MCTP1: variants seen among roughly 807,000 people sequenced by gnomAD.
MCTP1 encodes multiple C2 and transmembrane domain containing 1.
Under a neutral mutation model 120.6 loss-of-function variants are expected in MCTP1, and 69 were observed. That is an observed-to-expected ratio of 0.57 (90% CI 0.47 to 0.70). The LOEUF is 0.70. MCTP1 is among the 30% of genes least tolerant of loss of function. The pLI, the probability that MCTP1 is intolerant of heterozygous loss-of-function variation, is 0.00. For synonymous variants in MCTP1, 529 were observed against 493.1 expected, an observed-to-expected ratio of 1.07 and a Z score of -0.96; for missense variants, 1,203 against 1,248.8, an observed-to-expected ratio of 0.96 and a Z score of 0.55.
chr5:95,230,371 G>A (rs527498828), intron 1 of MCTP1, among the ~76,000 whole-genome samples: 88 of 152,204 alleles, frequency 5.8e-4, no homozygotes, highest in African/African-American at 2.0e-3. Flanking sequence ...AGTGACTTGC[G>A]TAAGGTATGT....
intron 17 of MCTP1, chr5:94,826,706 G>C (rs878869271): frequency 2.2e-6 from 1 of 454,262 alleles, no homozygotes; most frequent in Admixed American, 3.0e-5. Context: ...GTTCCAGCTG[G>C]AAAAAGAGGA....
At chr5:94,999,073 C>A (rs924496217) in intron 2 of MCTP1, among the ~76,000 whole-genome samples, 1 of 152,106 alleles carries the variant, frequency 6.6e-6, no homozygotes, top group Non-Finnish European at 1.5e-5. Context: ...GTTATAGTTG[C>A]CATAAAGTAT....
intron 1 of MCTP1, among the ~76,000 whole-genome samples, chr5:95,262,815 T>C (rs965346146): frequency 1.3e-5 from 2 of 152,208 alleles, no homozygotes; most frequent in African/African-American, 2.4e-5. Context: ...ATAAAGTTCA[T>C]TTATGTCAAA....
intron 1 of MCTP1, among the ~76,000 whole-genome samples, chr5:95,154,870 A>G (rs1444202967): frequency 6.6e-6 from 1 of 152,154 alleles, no homozygotes; most frequent in South Asian, 2.1e-4. Context: ...TCCATGATTT[A>G]TTAAGGTTAG....
rs1465969883 is a variant in MCTP1 at position 94,704,934 on chromosome 5, TTTGA to T, written c.*2558_*2561del. The T allele has an allele frequency of 3.3e-5, 5 of 151,274 alleles. No homozygotes were observed. Among genetic ancestry groups the T allele is most frequent in the African/African-American group, 4.8e-5 (2 of 41,350 alleles). 9.4% of individuals were successfully genotyped at this position (151,274 alleles called of 1,614,324 possible). The stretch of plus-strand genomic sequence containing the variant: ...GAATGAGAAGTACTATTATGTTCTT[TTTGA>T]TAAGTGGGGAAAAATTTAAAAGCAC... On this transcript the variant is annotated 3_prime_UTR_variant, in exon 23 of 23. Coordinates refer to ENST00000515393, the MANE Select transcript of MCTP1 (RefSeq NM_024717.7).
In MCTP1 at chr5:95,043,136, G is replaced by T. The variant is rs189881785; in HGVS notation, c.721-25652C>A. On this transcript the variant is annotated intron_variant, in intron 1 of 22. Coordinates refer to ENST00000515393, the MANE Select transcript of MCTP1 (RefSeq NM_024717.7). ...CAGTGAGTGAGTTTCCCATACAGCTGCCAAGAACATATTATCAGATATTTA... is the reference window on the plus strand; with the variant it reads ...CAGTGAGTGAGTTTCCCATACAGCTTCCAAGAACATATTATCAGATATTTA... Among the ~76,000 whole-genome samples, 33 of 152,172 alleles carry T rather than the reference G, an allele frequency of 2.2e-4. 1 individual carries two copies. Among genetic ancestry groups the T allele is most frequent in the Admixed American group, 2.0e-3 (30 of 15,272 alleles).
At chr5:94,727,844 A>T (rs1166319113) in intron 19 of MCTP1, among the ~76,000 whole-genome samples, 1 of 152,250 alleles carries the variant, frequency 6.6e-6, no homozygotes. Context: ...CAGGAAACCC[A>T]GAACAGGACT....
chr5:95,037,414 C>T (rs1258798132), intron 1 of MCTP1, among the ~76,000 whole-genome samples: 1 of 151,832 alleles, frequency 6.6e-6, no homozygotes, highest in Non-Finnish European at 1.5e-5. Context: ...TATGCATTGC[C>T]AAAAAGACAG....
chr5:94,988,964 C>A (rs1323273727), intron 2 of MCTP1, among the ~76,000 whole-genome samples: 1 of 152,248 alleles, frequency 6.6e-6, no homozygotes, highest in East Asian at 1.9e-4. Flanking sequence ...AAACCACCCC[C>A]ATGATTCAAC....
At chr5:94,846,205 T>C (rs1792315041) in intron 17 of MCTP1, among the ~76,000 whole-genome samples, 1 of 152,208 alleles carries the variant, frequency 6.6e-6, no homozygotes, top group Non-Finnish European at 1.5e-5. Context: ...TGCACATGTA[T>C]GCTCATTGCA....
rs1242498061 is a variant in MCTP1 at position 94,953,246 on chromosome 5, A to C, written c.954T>G (p.Asp318Glu). Residue 318 changes from aspartate to glutamate, a missense_variant, in exon 3 of 23, where the codon GAT becomes GAG. Around this residue, in one of 2 missense-constraint regions of MCTP1, gnomAD observed 740 missense variants for 871.1 expected, o/e 0.85. Transcript: ENST00000515393. Reference protein sequence around the residue: ...VWEEKACILVDHLREPLYIKV... With the variant: ...VWEEKACILVEHLREPLYIKV... ...TTATATACAATGGCTCCCTAAGATG[A>C]TCAACCAGAATACAAGCTTTTTCTT... The C allele has an allele frequency of 1.9e-6, 3 of 1,612,654 alleles. No homozygotes were observed. The highest frequency in any genetic ancestry group is 2.5e-6 in the Non-Finnish European group (3 of 1,179,438).
At chr5:95,006,262 T>A in intron 2 of MCTP1, among the ~76,000 whole-genome samples, 1 of 151,752 alleles carries the variant, frequency 6.6e-6, no homozygotes, top group South Asian at 2.1e-4. Flanking sequence ...CATACACACA[T>A]ACACATAAAC....
At chr5:95,061,130 A>G (rs1381550522) in intron 1 of MCTP1, among the ~76,000 whole-genome samples, 1 of 151,140 alleles carries the variant, frequency 6.6e-6, no homozygotes, top group Non-Finnish European at 1.5e-5. Flanking sequence ...GTCATGGGAG[A>G]TGCATTGACA....
chr5:94,727,855 G>C (rs2152684574), intron 19 of MCTP1, among the ~76,000 whole-genome samples: 1 of 152,306 alleles, frequency 6.6e-6, no homozygotes, highest in East Asian at 1.9e-4. Context: ...GAACAGGACT[G>C]AGAATTCAAT....
At chr5:95,221,516 G>A (rs1205407503) in intron 1 of MCTP1, among the ~76,000 whole-genome samples, 4 of 152,192 alleles carry the variant, frequency 2.6e-5, no homozygotes, top group Admixed American at 2.6e-4. Context: ...GGGCACATGA[G>A]ATATGTGGTT....
At chr5:94,872,854 C>A (rs111987604) in intron 13 of MCTP1, among the ~76,000 whole-genome samples, 2 of 151,906 alleles carry the variant, frequency 1.3e-5, no homozygotes, top group African/African-American at 2.4e-5. Flanking sequence ...AAGGAAGAAG[C>A]GGTATGGTGA....
intron 2 of MCTP1, among the ~76,000 whole-genome samples, chr5:94,978,368 C>T (rs1431212115): frequency 6.6e-6 from 1 of 152,012 alleles, no homozygotes; most frequent in Non-Finnish European, 1.5e-5. Context: ...TCTAAAAGAA[C>T]TGAAATCAGG....
Position 94,706,398 on chromosome 5 carries a change from GTTTA to G in MCTP1, c.*1094_*1097del, listed in dbSNP as rs1490843494. 1 of 150,058 alleles carries G rather than the reference GTTTA, an allele frequency of 6.7e-6. No homozygotes were observed. The highest frequency in any genetic ancestry group is 1.5e-5 in the Non-Finnish European group (1 of 67,612). The allele number at this position is 150,058 out of a possible 1,614,324, so 9.3% of individuals were successfully genotyped here. On this transcript the variant is annotated 3_prime_UTR_variant, in exon 23 of 23. Transcript: ENST00000515393. ...TAAAGGCAACCACCACCCCCAAGCA[GTTTA>G]TTTTATTTTACAAAACAGGTTTTCA...
chr5:94,921,219 A>G (rs1259641922), intron 7 of MCTP1, among the ~76,000 whole-genome samples: 1 of 152,190 alleles, frequency 6.6e-6, no homozygotes, highest in Non-Finnish European at 1.5e-5. Flanking sequence ...TTCATGAGAA[A>G]CATGGTAATT....
Sources: allele counts gnomAD v4.1 joint callset (sites outside exome capture counted in the v4.1 genomes callset), GRCh38; gene constraint gnomAD v4.1.1; regional missense constraint gnomAD v4.1.1; transcripts MANE v1.5; gene names NCBI Gene and HGNC (gene_info 2026-07-23, HGNC 2026-07-21).